The following SCARA3 variants were observed in gnomAD, a reference collection of about 807,000 sequenced individuals.
SCARA3 encodes scavenger receptor class A member 3.
A neutral mutation model predicts 47.0 loss-of-function variants in SCARA3; 39 were observed. That is an observed-to-expected ratio of 0.83 (90% CI 0.64 to 1.08). The LOEUF (loss-of-function observed/expected upper bound fraction) is 1.08. Among genes scored for constraint, SCARA3 ranks in the 50% least tolerant of loss-of-function variants. SCARA3 has a pLI of 0.00. For synonymous variants in SCARA3, 356 were observed against 334.1 expected, an observed-to-expected ratio of 1.07 and a Z score of -0.71; for missense variants, 724 against 792.3, an observed-to-expected ratio of 0.91 and a Z score of 1.04.
chr8:27,671,916 G>T lies in SCARA3; in HGVS notation c.*565G>T. ...GGCAGAGGAAGACCCCCTCTCCTGT[G>T]ACTGAGCCTGCCAGGGAGGCAGCTA... On this transcript the variant is annotated 3_prime_UTR_variant, in exon 6 of 6. Coordinates refer to ENST00000301904, the MANE Select transcript of SCARA3 (RefSeq NM_016240.3). The T allele has an allele frequency of 2.0e-6, 2 of 985,440 alleles. No homozygotes were observed. The allele number at this position is 985,440 out of a possible 1,614,324, so 61.0% of individuals were successfully genotyped here.
chr8:27,730,272 ATCT>A, the SCARA3 span, among the ~76,000 whole-genome samples: 6 of 152,206 alleles, frequency 3.9e-5, no homozygotes, highest in South Asian at 2.1e-4. Context: ...GTGGCTCCTA[ATCT>A]TCTTGTTGGT....
intron 3 of SCARA3, among the ~76,000 whole-genome samples, chr8:27,653,852 AT>A (rs948621336): frequency 6.6e-6 from 1 of 152,110 alleles, no homozygotes; most frequent in Non-Finnish European, 1.5e-5. Context: ...GATTATGGCC[AT>A]TTTTTTCTGT....
chr8:27,706,441 C>T, the SCARA3 span, among the ~76,000 whole-genome samples: 102 of 152,260 alleles, frequency 6.7e-4, no homozygotes, highest in Middle Eastern at 3.4e-3. Flanking sequence ...GCATGAGCCA[C>T]CATGCCCGTC....
At chr8:27,675,382 T>C (rs1802259111), downstream of SCARA3, among the ~76,000 whole-genome samples, 1 of 152,234 alleles carries the variant, frequency 6.6e-6, no homozygotes, top group Admixed American at 6.5e-5. Context: ...GGTGGTGTGC[T>C]GAGCAGCCTG....
At chr8:27,696,616 A>ATTTTT in the SCARA3 span, among the ~76,000 whole-genome samples, 2 of 134,200 alleles carry the variant, frequency 1.5e-5, no homozygotes, top group Non-Finnish European at 1.6e-5. Context: ...CACCTGGCTA[A>ATTTTT]TTTTTTTTTT....
chr8:27,660,824 T>C (rs1037360487), intron 5 of SCARA3, among the ~76,000 whole-genome samples: 4 of 142,260 alleles, frequency 2.8e-5, no homozygotes, highest in Admixed American at 7.0e-5. Flanking sequence ...TAGATATAGA[T>C]AGAAGATAGC....
chr8:27,640,675 T>C (rs923905156), intron 1 of SCARA3, among the ~76,000 whole-genome samples: 3 of 152,134 alleles, frequency 2.0e-5, no homozygotes. Flanking sequence ...TGCTGGTTTT[T>C]AGTTGTTGCT....
intron 5 of SCARA3, among the ~76,000 whole-genome samples, chr8:27,666,796 C>T (rs1394912975): frequency 2.6e-5 from 4 of 152,152 alleles, no homozygotes; most frequent in Admixed American, 1.3e-4. Context: ...ATGCCCGAGA[C>T]ACTGGGCACT....
chr8:27,688,062 T>A, the SCARA3 span, among the ~76,000 whole-genome samples: 1 of 152,100 alleles, frequency 6.6e-6, no homozygotes, highest in Non-Finnish European at 1.5e-5. Flanking sequence ...TCTGATGGCT[T>A]CTTTAGTCAC....
At chr8:27,670,780 T>G in intron 5 of SCARA3, 120 bp from the exon 6 acceptor site, 3 of 751,886 alleles carry the variant, frequency 4.0e-6, no homozygotes, top group Non-Finnish European at 6.4e-6. Flanking sequence ...CAGTGAGAAA[T>G]GAGTGTCCGC....
chr8:27,693,457 G>C, the SCARA3 span, among the ~76,000 whole-genome samples: 1 of 152,160 alleles, frequency 6.6e-6, no homozygotes, highest in Non-Finnish European at 1.5e-5. Context: ...TTTCTTAACT[G>C]ACTCTTTCTG....
Position 27,658,758 on chromosome 8 carries a change from G to A in SCARA3, c.588G>A (p.Gln196=), listed in dbSNP as rs760633757. 1.7e-5 allele frequency: 27 copies of A among 1,613,950 alleles called. No individual in the cohort carries two copies. The highest frequency in any genetic ancestry group is 2.1e-5 in the Non-Finnish European group (25 of 1,179,956). The change falls in exon 5 of 6, where the codon CAG becomes CAA. Residue 196 remains glutamine (Q), a synonymous_variant. Transcript: ENST00000301904. ...TCCTGGCCCAGGTGAGAGGCTGGCAGGCCACCACAGCTGGCCTGGACCTCT... is the reference window on the plus strand; with the variant it reads ...TCCTGGCCCAGGTGAGAGGCTGGCAAGCCACCACAGCTGGCCTGGACCTCT... The part of the protein sequence containing the change: ...GLFLAQVRGW[Q]ATTAGLDLSL...
rs1801843321 is a variant in SCARA3 at position 27,659,445 on chromosome 8, C to A, written c.1275C>A (p.Asp425Glu). The A allele has an allele frequency of 6.2e-7, 1 of 1,613,900 alleles. No homozygotes were observed. The highest frequency in any genetic ancestry group is 1.1e-5 in the South Asian group (1 of 91,040). The change falls in exon 5 of 6, where the codon GAC (aspartate) becomes GAA (glutamate). Residue 425 changes from aspartate (D) to glutamate (E), a missense_variant. Asp to Glu is a conservative substitution (Grantham distance 45). Transcript: ENST00000301904. ...TCAGCCTGCTCAGTGCCCGGCTGGA[C>A]CTCAACGTCCGGAACCTCTCCATGA... ...ERFSLLSARLDLNVRNLSMIV... is the reference protein window; with the variant it reads ...ERFSLLSARLELNVRNLSMIV...
chr8:27,682,823 C>CT, the SCARA3 span, among the ~76,000 whole-genome samples: 1 of 152,126 alleles, frequency 6.6e-6, no homozygotes, highest in African/African-American at 2.4e-5. Context: ...CTGTTCCCTT[C>CT]TTTTCACAGG....
chr8:27,717,900 G>C, the SCARA3 span, among the ~76,000 whole-genome samples: 1 of 152,160 alleles, frequency 6.6e-6, no homozygotes. Context: ...TAGTCTGTCT[G>C]ACTGTCTGTC....
chr8:27,675,951 G>A (rs990198986), downstream of SCARA3, among the ~76,000 whole-genome samples: 2 of 152,106 alleles, frequency 1.3e-5, no homozygotes, highest in Non-Finnish European at 2.9e-5. Flanking sequence ...GGATTCTGAC[G>A]CCCCAGATAA....
At chr8:27,708,657 G>C in the SCARA3 span, among the ~76,000 whole-genome samples, 1 of 152,032 alleles carries the variant, frequency 6.6e-6, no homozygotes, top group Non-Finnish European at 1.5e-5. Context: ...AGAATGTGGA[G>C]AGATATGAGA....
intron 1 of SCARA3, among the ~76,000 whole-genome samples, chr8:27,639,335 T>C (rs35382305): frequency 3.2e-4 from 48 of 152,064 alleles, no homozygotes; most frequent in African/African-American, 1.1e-3. Flanking sequence ...AAAGAACAAA[T>C]GCACGGCATA....
intron 5 of SCARA3, among the ~76,000 whole-genome samples, chr8:27,660,799 GAGAT>G (rs1801891930): frequency 6.6e-6 from 1 of 151,292 alleles, no homozygotes; most frequent in Non-Finnish European, 1.5e-5. Flanking sequence ...TGATAGGGAT[GAGAT>G]AGATAGAAAA....
Sources: gnomAD v4.1 joint callset for allele counts (sites outside exome capture counted in the v4.1 genomes callset) on GRCh38, gnomAD v4.1.1 for gene constraint, MANE v1.5 for transcripts, NCBI Gene and HGNC (gene_info 2026-07-23, HGNC 2026-07-21) for gene names.